The following ZNF33A variants were observed in gnomAD, a reference collection of about 807,000 sequenced individuals.
The protein encoded by ZNF33A is brain my041 protein.
Under a neutral mutation model 15.9 loss-of-function variants are expected in ZNF33A, and 9 were observed. The observed-to-expected ratio is 0.57, with a 90% confidence interval of 0.34 to 0.99. ZNF33A has a LOEUF of 0.99. Among genes scored for constraint, ZNF33A ranks in the 50% least tolerant of loss-of-function variants. The pLI is 0.02. For synonymous variants in ZNF33A, 294 were observed against 324.2 expected, an observed-to-expected ratio of 0.91 and a Z score of 1.00; for missense variants, 843 against 941.6, an observed-to-expected ratio of 0.90 and a Z score of 1.37.
intron 4 of ZNF33A, among the ~76,000 whole-genome samples, chr10:38,031,205 A>G (rs550632547): frequency 1.3e-5 from 2 of 152,330 alleles, no homozygotes; most frequent in South Asian, 4.1e-4. Context: ...GCAAATTGTT[A>G]CCATGGAGAA....
chr10:38,014,810 G>A (rs1345400485), intron 2 of ZNF33A, among the ~76,000 whole-genome samples: 1 of 152,040 alleles, frequency 6.6e-6, no homozygotes, highest in African/African-American at 2.4e-5. Context: ...TACAAATATT[G>A]TTAGTATTAA....
intron 4 of ZNF33A, among the ~76,000 whole-genome samples, chr10:38,048,260 A>C (rs954429308): frequency 1.3e-5 from 2 of 152,190 alleles, no homozygotes. Context: ...CTTCATGTAA[A>C]TCTCTAAAAA....
At chr10:38,046,679 C>G (rs1298823794) in intron 4 of ZNF33A, among the ~76,000 whole-genome samples, 1 of 152,016 alleles carries the variant, frequency 6.6e-6, no homozygotes, top group African/African-American at 2.4e-5. Context: ...AGAGACTAAC[C>G]AGGAAATTGA....
In ZNF33A at chr10:38,012,309, G is replaced by C; in HGVS notation, c.-33G>C. ...TTTTTCTAACTCAGCTGTATCTTCA[G>C]AGTTGTCTCCGTCTTTCCAAGAACA... On this transcript the variant is annotated 5_prime_UTR_variant, in exon 2 of 5. Transcript: ENST00000432900. The C allele has an allele frequency of 6.2e-7, 1 of 1,611,780 alleles. No individual in the cohort carries two copies. Among genetic ancestry groups the C allele is most frequent in the Non-Finnish European group, 8.5e-7 (1 of 1,179,302 alleles).
At chr10:38,029,945 G>A (rs1259583904) in intron 4 of ZNF33A, among the ~76,000 whole-genome samples, 1 of 152,098 alleles carries the variant, frequency 6.6e-6, no homozygotes, top group Non-Finnish European at 1.5e-5. Context: ...AAGAATTACA[G>A]AAACACCCAC....
intron 4 of ZNF33A, among the ~76,000 whole-genome samples, chr10:38,039,903 T>C (rs2065620287): frequency 6.6e-6 from 1 of 151,604 alleles, no homozygotes; most frequent in Admixed American, 6.6e-5. Flanking sequence ...CTTTCCTGCC[T>C]TCTGCTTGAT....
chr10:38,025,697 T>G lies in ZNF33A; in HGVS notation c.250+8311T>G, dbSNP rs182731719. On this transcript the variant is annotated intron_variant, in intron 4 of 4. Transcript: ENST00000432900. ...TTATGGCAGCCGAAGCTAAGACATT[T>G]GACAAACTGTTGACAAAAATGCAAA... 6.1e-4 allele frequency among the ~76,000 whole-genome samples: 93 copies of G among 152,354 alleles called. No individual in the cohort carries two copies. In the Middle Eastern group the frequency reaches 0.01, roughly 17 times the overall value.
rs777458606 is a variant in ZNF33A at position 38,056,309 on chromosome 10, A to G, written c.2185A>G (p.Ile729Val). 9.3e-6 allele frequency: 15 copies of G among 1,614,048 alleles called. No homozygotes were observed. The Admixed American group carries it at 1.5e-4, about 16-fold the overall frequency. ...TTGTCAATGTAATGAATGTGGAAAA[A>G]TCTTTTACCGTAAATCGGAACTTGC... ...KSCQCNECGK[I>V]FYRKSELAQH... The change falls in exon 5 of 5, where the codon ATC becomes GTC. Residue 729 changes from isoleucine (I) to valine (V), a missense_variant. By Grantham distance (29) the Ile-to-Val change is conservative. Coordinates refer to ENST00000432900, the MANE Select transcript of ZNF33A (RefSeq NM_006954.2).
chr10:38,040,871 C>T (rs2065666895), intron 4 of ZNF33A, among the ~76,000 whole-genome samples: 1 of 152,210 alleles, frequency 6.6e-6, no homozygotes, highest in East Asian at 1.9e-4. Flanking sequence ...TGGGTTGAAA[C>T]CCCTTTGTAT....
intron 4 of ZNF33A, among the ~76,000 whole-genome samples, chr10:38,021,031 G>A (rs970653533): frequency 2.0e-5 from 3 of 152,148 alleles, no homozygotes; most frequent in African/African-American, 2.4e-5. Flanking sequence ...CTTCCTGCGG[G>A]GGGAGTGGGT....
At chr10:38,010,857 G>A in intron 1 of ZNF33A, 74 bp downstream of exon 1, 2 of 1,567,250 alleles carry the variant, frequency 1.3e-6, no homozygotes, top group African/African-American at 2.7e-5. Context: ...CAGGGGGCCG[G>A]TACCAAGTGG....
intron 4 of ZNF33A, among the ~76,000 whole-genome samples, chr10:38,035,360 C>T (rs1342341687): frequency 2.0e-5 from 3 of 152,000 alleles, no homozygotes; most frequent in South Asian, 2.1e-4. Context: ...TTAGGTGATC[C>T]ACCTGCCCCG....
In ZNF33A at chr10:38,056,902, G is replaced by A; in HGVS notation, c.*342G>A. ...ACAATAATTTATAGATGTATATTGT[G>A]GAATGTAAAGCTTTAAGAACTTAAA... On this transcript the variant is annotated 3_prime_UTR_variant, in exon 5 of 5. Transcript: ENST00000432900. 4.1e-6 allele frequency: 4 copies of A among 978,398 alleles called. No individual in the cohort carries two copies. The highest frequency in any genetic ancestry group is 4.6e-5 in the South Asian group (1 of 21,592). 60.6% of individuals were successfully genotyped at this position (978,398 alleles called of 1,614,324 possible). A position where few individuals can be genotyped will look rare whatever the true frequency, so the allele number is the denominator to read the frequency against.
intron 1 of ZNF33A, among the ~76,000 whole-genome samples, chr10:38,011,249 C>T (rs2064170744): frequency 6.6e-6 from 1 of 152,226 alleles, no homozygotes; most frequent in African/African-American, 2.4e-5. Context: ...TGCTGTTCCT[C>T]TGTCCTGACT....
At chr10:38,063,191 C>G (rs1177650975), downstream of ZNF33A, among the ~76,000 whole-genome samples, 1 of 152,096 alleles carries the variant, frequency 6.6e-6, no homozygotes, top group African/African-American at 2.4e-5. Flanking sequence ...GCAAGGCATT[C>G]TGACTGGTCC....
chr10:38,049,721 A>G (rs911721925), intron 4 of ZNF33A, among the ~76,000 whole-genome samples: 8 of 152,202 alleles, frequency 5.3e-5, no homozygotes, highest in African/African-American at 1.9e-4. Flanking sequence ...AAATCCATAT[A>G]GTAGAAGAAG....
chr10:38,024,848 A>G (rs1232370296), intron 4 of ZNF33A, among the ~76,000 whole-genome samples: 1 of 152,254 alleles, frequency 6.6e-6, no homozygotes, highest in Non-Finnish European at 1.5e-5. Flanking sequence ...GTCCCAGGAC[A>G]TGAATCAACC....
intron 1 of ZNF33A, among the ~76,000 whole-genome samples, chr10:38,012,026 G>A (rs2064208794): frequency 6.6e-6 from 1 of 152,044 alleles, no homozygotes; most frequent in Non-Finnish European, 1.5e-5. Flanking sequence ...GAAATCCTTA[G>A]GAAGCAAATA....
intron 4 of ZNF33A, among the ~76,000 whole-genome samples, chr10:38,033,049 A>C (rs2065282686): frequency 6.6e-6 from 1 of 152,144 alleles, no homozygotes; most frequent in South Asian, 2.1e-4. Context: ...CGTCCGGCTG[A>C]CAGTGTTTCT....
Sources: gnomAD v4.1 joint callset for allele counts (sites outside exome capture counted in the v4.1 genomes callset) on GRCh38, gnomAD v4.1.1 for gene constraint, MANE v1.5 for transcripts, NCBI Gene and HGNC (gene_info 2026-07-23, HGNC 2026-07-21) for gene names.